The following VSTM2L variants were observed in gnomAD, a reference collection of about 807,000 sequenced individuals.
VSTM2L encodes V-set and transmembrane domain-containing protein 2-like protein.
A neutral mutation model predicts 19.9 loss-of-function variants in VSTM2L; 9 were observed. That is an observed-to-expected ratio of 0.45 (90% CI 0.27 to 0.79). The LOEUF (loss-of-function observed/expected upper bound fraction) is 0.79. Ranked by LOEUF, VSTM2L falls within the 30% of genes least tolerant of loss-of-function variation. The pLI, the probability that VSTM2L is intolerant of heterozygous loss-of-function variation, is 0.15. For synonymous variants in VSTM2L, 127 were observed against 133.8 expected (o/e 0.95, Z 0.35); for missense variants, 286 against 295.5 (o/e 0.97, Z 0.24).
rs1026133491 is a variant in VSTM2L at position 37,903,172 on chromosome 20, G to C, written c.-179G>C. ...GGGCGTGCGCTCGCTCCCCGAAGCC[G>C]GGGCTGGGCCGGAGCCGGGCGAGGG... On this transcript the variant is annotated 5_prime_UTR_variant, in exon 1 of 4. Transcript: ENST00000373461. The C allele has an allele frequency of 3.3e-5, 28 of 837,162 alleles. No homozygotes were observed. The highest frequency in any genetic ancestry group is 4.4e-5 in the Non-Finnish European group (28 of 641,664). The allele number at this position is 837,162 out of a possible 1,614,324, so 51.9% of individuals were successfully genotyped here.
rs1247385677 is a variant in VSTM2L, at chr20:37,903,267, C to T, written c.-84C>T. ...GCCGGAGCCGGGCAGCCAGGCCGCTCAGGGCAGGGGACAGCTGGCGCCGGT... is the reference window on the plus strand; with the variant it reads ...GCCGGAGCCGGGCAGCCAGGCCGCTTAGGGCAGGGGACAGCTGGCGCCGGT... On this transcript the variant is annotated 5_prime_UTR_variant, in exon 1 of 4. Transcript: ENST00000373461. The T allele has an allele frequency of 6.3e-6, 8 of 1,266,670 alleles. No homozygotes were observed. The highest frequency in any genetic ancestry group is 7.0e-6 in the Non-Finnish European group (7 of 1,006,798). The allele number at this position is 1,266,670 out of a possible 1,614,324, so 78.5% of individuals were successfully genotyped here. A position where few individuals can be genotyped will look rare whatever the true frequency, so the allele number is the denominator to read the frequency against.
Position 37,944,928 on chromosome 20 carries a change from A to C in VSTM2L, c.*675A>C, listed in dbSNP as rs11550660. ...CTGCCCTGTCACACGGCGAGTCAGA[A>C]GGGAGGGGCCTTTCCCTCGGACCCA... On this transcript the variant is annotated 3_prime_UTR_variant, in exon 4 of 4. Transcript: ENST00000373461. 0.11 allele frequency: 109,777 copies of C among 985,772 alleles called. 6,326 individuals carry two copies. The highest frequency in any genetic ancestry group is 0.2 in the Middle Eastern group (390 of 1,916). The allele number at this position is 985,772 out of a possible 1,614,324, so 61.1% of individuals were successfully genotyped here.
chr20:37,936,911 G>A (rs992068716), intron 3 of VSTM2L, among the ~76,000 whole-genome samples: 5 of 150,726 alleles, frequency 3.3e-5, no homozygotes, highest in Non-Finnish European at 7.4e-5. Context: ...CGAGCAGGAT[G>A]TGGGCAAGGG....
chr20:37,942,049 ACC>A (rs2122981044), intron 3 of VSTM2L, among the ~76,000 whole-genome samples: 1 of 152,260 alleles, frequency 6.6e-6, no homozygotes, highest in South Asian at 2.1e-4. Flanking sequence ...TTGAAAAAAC[ACC>A]CACAGCAACT....
At chr20:37,914,396 GTA>G in intron 1 of VSTM2L, among the ~76,000 whole-genome samples, 1 of 150,366 alleles carries the variant, frequency 6.7e-6, no homozygotes, top group Non-Finnish European at 1.5e-5. Flanking sequence ...GTGGGTGTGT[GTA>G]TGTATGTGTG....
chr20:37,915,020 G>T (rs539858811), intron 1 of VSTM2L, among the ~76,000 whole-genome samples: 7 of 152,252 alleles, frequency 4.6e-5, no homozygotes, highest in South Asian at 2.1e-4. Flanking sequence ...GGCAATTAGG[G>T]CCTGCTCGCT....
At chr20:37,931,302 C>T (rs192063239) in intron 1 of VSTM2L, among the ~76,000 whole-genome samples, 4 of 152,168 alleles carry the variant, frequency 2.6e-5, no homozygotes, top group Middle Eastern at 3.2e-3. Flanking sequence ...TCCTCCCTGG[C>T]CTTCTTGCTG....
intron 1 of VSTM2L, among the ~76,000 whole-genome samples, chr20:37,925,845 C>G (rs1055019681): frequency 6.6e-6 from 1 of 152,194 alleles, no homozygotes; most frequent in African/African-American, 2.4e-5. Context: ...CTCTCCCTGT[C>G]CTCCTACCTG....
At chr20:37,939,044 C>T (rs1173669232) in intron 3 of VSTM2L, among the ~76,000 whole-genome samples, 2 of 152,238 alleles carry the variant, frequency 1.3e-5, no homozygotes, top group Admixed American at 6.5e-5. Flanking sequence ...TTGAGAAAAT[C>T]GCTTCACCTC....
chr20:37,943,996 G>A lies in VSTM2L; in HGVS notation c.358G>A (p.Gly120Ser), dbSNP rs1454719615. ...ATKISVVKVV[G>S]SNISHKLRLS... is the part of the protein sequence containing the mutation. Reference sequence around the variant, plus strand: ...TCACCCCCAGGTGGTCAAGGTGGTGGGCAGCAACATCTCCCACAAGCTGCG... The same window carrying A: ...TCACCCCCAGGTGGTCAAGGTGGTGAGCAGCAACATCTCCCACAAGCTGCG... Residue 120 changes from glycine to serine, a missense_variant, in exon 4 of 4, where the codon GGC (glycine) becomes AGC (serine). Physicochemically the swap from Gly to Ser is moderately conservative, Grantham distance 56. Coordinates refer to ENST00000373461, the MANE Select transcript of VSTM2L (RefSeq NM_080607.3). The A allele has an allele frequency of 1.3e-6, 2 of 1,582,430 alleles. No individual in the cohort carries two copies. Among genetic ancestry groups the A allele is most frequent in the East Asian group, 2.3e-5 (1 of 43,888 alleles).
chr20:37,933,388 A>C, intron 2 of VSTM2L, 151 bp from the exon 3 acceptor site: 1 of 636,388 alleles, frequency 1.6e-6, no homozygotes, highest in South Asian at 2.1e-5. Flanking sequence ...CCCCAACTCC[A>C]GACTCCATGG....
intron 3 of VSTM2L, among the ~76,000 whole-genome samples, chr20:37,938,796 G>C (rs2072955049): frequency 6.6e-6 from 1 of 152,226 alleles, no homozygotes; most frequent in Non-Finnish European, 1.5e-5. Context: ...TGGAGGGCTG[G>C]GCTGAAGGGC....
At chr20:37,921,047 C>T (rs757156570) in intron 1 of VSTM2L, among the ~76,000 whole-genome samples, 10 of 152,208 alleles carry the variant, frequency 6.6e-5, no homozygotes, top group Non-Finnish European at 1.5e-4. Flanking sequence ...ACCCAGACAC[C>T]TGTCATATAA....
At chr20:37,904,960 G>A (rs1422684567) in intron 1 of VSTM2L, among the ~76,000 whole-genome samples, 2 of 152,170 alleles carry the variant, frequency 1.3e-5, no homozygotes, top group Non-Finnish European at 2.9e-5. Flanking sequence ...TAGAGCGGTG[G>A]TAAATAAGGA....
intron 1 of VSTM2L, among the ~76,000 whole-genome samples, chr20:37,908,883 C>T (rs1306495743): frequency 2.6e-5 from 4 of 152,174 alleles, no homozygotes; most frequent in African/African-American, 9.7e-5. Context: ...CATGCCAGGG[C>T]CTTGAATGGT....
intron 1 of VSTM2L, among the ~76,000 whole-genome samples, chr20:37,930,247 G>A (rs1027391680): frequency 1.3e-5 from 2 of 152,198 alleles, no homozygotes; most frequent in African/African-American, 4.8e-5. Flanking sequence ...TTGTCAATTC[G>A]CATCACCTTC....
intron 1 of VSTM2L, among the ~76,000 whole-genome samples, chr20:37,917,916 A>G (rs1404579923): frequency 2.0e-5 from 3 of 152,206 alleles, no homozygotes; most frequent in Admixed American, 1.3e-4. Flanking sequence ...TGACTTCTAT[A>G]TTCTATCCCA....
At chr20:37,915,069 G>T (rs555003469) in intron 1 of VSTM2L, among the ~76,000 whole-genome samples, 1 of 152,358 alleles carries the variant, frequency 6.6e-6, no homozygotes, top group South Asian at 2.1e-4. Context: ...CCGGGAAAGG[G>T]TCCCTAATGG....
chr20:37,942,618 A>G (rs2122981755), intron 3 of VSTM2L, among the ~76,000 whole-genome samples: 1 of 152,372 alleles, frequency 6.6e-6, no homozygotes, highest in Middle Eastern at 3.4e-3. Context: ...TGGTGATAGA[A>G]GTCAGTCAGA....
Sources: allele counts gnomAD v4.1 joint callset (sites outside exome capture counted in the v4.1 genomes callset), GRCh38; gene constraint gnomAD v4.1.1; transcripts MANE v1.5; gene names NCBI Gene and HGNC (gene_info 2026-07-23, HGNC 2026-07-21).